The following OGFRL1 variants were observed in gnomAD, a reference collection of about 807,000 sequenced individuals.
OGFRL1 encodes opioid growth factor receptor like 1.
Under a neutral mutation model 32.4 loss-of-function variants are expected in OGFRL1, and 26 were observed. That is an observed-to-expected ratio of 0.80 (90% CI 0.59 to 1.11). The LOEUF (loss-of-function observed/expected upper bound fraction) is 1.11. OGFRL1 is among the 50% of genes most tolerant of loss of function. The probability of loss-of-function intolerance (pLI) is 0.00; values close to 1 mark genes in which losing one functional copy is unlikely to be tolerated. For missense variants in OGFRL1, 521 were observed against 546.4 expected, an observed-to-expected ratio of 0.95 and a Z score of 0.46; for synonymous variants, 211 against 201.2, an observed-to-expected ratio of 1.05 and a Z score of -0.41.
chr6:71,303,135 G>C lies in OGFRL1; in HGVS notation c.*1086G>C, dbSNP rs1191796015. On this transcript the variant is annotated 3_prime_UTR_variant, in exon 7 of 7. Transcript: ENST00000370435. The stretch of plus-strand genomic sequence containing the variant: ...CTAAATATGTGCAGTCCTTTTATTT[G>C]TCATTATTCTCTAAACAATACAGTA... 2 of 152,138 alleles carry C rather than the reference G, an allele frequency of 1.3e-5. No individual in the cohort carries two copies. Among genetic ancestry groups the C allele is most frequent in the African/African-American group, 4.8e-5 (2 of 41,428 alleles). The allele number at this position is 152,138 out of a possible 1,614,324, so 9.4% of individuals were successfully genotyped here.
rs1766569013 is a variant in OGFRL1, at chr6:71,306,942, T to C, written c.*4893T>C. On this transcript the variant is annotated 3_prime_UTR_variant, in exon 7 of 7. Transcript: ENST00000370435. ...ATCTGAAACTAATTTGAAAAACTTT[T>C]ATGCTGTAGTCTCATTAGAATCATT... 1 of 152,222 alleles carries C rather than the reference T, an allele frequency of 6.6e-6. No individual in the cohort carries two copies. Among genetic ancestry groups the C allele is most frequent in the Non-Finnish European group, 1.5e-5 (1 of 68,026 alleles). 9.4% of individuals were successfully genotyped at this position (152,222 alleles called of 1,614,324 possible). A position where few individuals can be genotyped will look rare whatever the true frequency, so the allele number is the denominator to read the frequency against.
intron 6 of OGFRL1, among the ~76,000 whole-genome samples, chr6:71,299,353 A>G (rs947661710): frequency 6.6e-6 from 1 of 152,170 alleles, no homozygotes; most frequent in Non-Finnish European, 1.5e-5. Flanking sequence ...GACATTTATT[A>G]CAAATCATAC....
chr6:71,300,351 A>T (rs1237316071), intron 6 of OGFRL1, among the ~76,000 whole-genome samples: 1 of 152,202 alleles, frequency 6.6e-6, no homozygotes, highest in African/African-American at 2.4e-5. Flanking sequence ...TACATTATGA[A>T]TTGTGACAAA....
chr6:71,289,109 G>T lies in OGFRL1; in HGVS notation c.173G>T (p.Gly58Val). ...CCCGCGCAGCCCCCGGAGCAAGCCG[G>T]CGGGCGGCCCGGCGCCAGCCCCGCG... ...EQPAQPPEQA[G>V]GRPGASPAPD... The change falls in exon 1 of 7, where the codon GGC becomes GTC. Residue 58 changes from glycine (G) to valine (V), a missense_variant. Transcript: ENST00000370435. 9.0e-7 allele frequency: 1 copy of T among 1,114,366 alleles called. No homozygotes were observed. 69.0% of individuals were successfully genotyped at this position (1,114,366 alleles called of 1,614,324 possible). A position where few individuals can be genotyped will look rare whatever the true frequency, so the allele number is the denominator to read the frequency against.
rs555352389 is a variant in OGFRL1 at position 71,308,015 on chromosome 6, A to G, written c.*5966A>G. On this transcript the variant is annotated 3_prime_UTR_variant, in exon 7 of 7. Coordinates refer to ENST00000370435, the MANE Select transcript of OGFRL1 (RefSeq NM_024576.5). The stretch of plus-strand genomic sequence containing the variant: ...TGTATTTGTGCCAAGGAGATCAGGT[A>G]TTGGTGTGCAAACAGATCCCATTAA... The G allele has an allele frequency of 6.6e-6, 1 of 152,352 alleles. No individual in the cohort carries two copies. The highest frequency in any genetic ancestry group is 1.9e-4 in the East Asian group (1 of 5,182). The allele number at this position is 152,352 out of a possible 1,614,324, so 9.4% of individuals were successfully genotyped here. A position where few individuals can be genotyped will look rare whatever the true frequency, so the allele number is the denominator to read the frequency against.
At chr6:71,296,095 A>G (rs1766199917) in intron 3 of OGFRL1, among the ~76,000 whole-genome samples, 1 of 152,222 alleles carries the variant, frequency 6.6e-6, no homozygotes, top group Non-Finnish European at 1.5e-5. Flanking sequence ...ACATTGTCCA[A>G]CAAAGCCTTG....
chr6:71,293,432 T>C, intron 2 of OGFRL1, 53 bp downstream of exon 2: 1 of 1,591,962 alleles, frequency 6.3e-7, no homozygotes, highest in African/African-American at 1.3e-5. Context: ...CCTTCTGTTT[T>C]TAAATTTTTA....
chr6:71,304,858 G>A lies in OGFRL1; in HGVS notation c.*2809G>A, dbSNP rs1324159424. Reference sequence around the variant, plus strand: ...TAAATAACTTAGATAATCATTCAGTGGAGAACAAGTAAAAGGATATCATTC... The same window carrying A: ...TAAATAACTTAGATAATCATTCAGTAGAGAACAAGTAAAAGGATATCATTC... On this transcript the variant is annotated 3_prime_UTR_variant, in exon 7 of 7. Transcript: ENST00000370435. 2 of 151,964 alleles carry A rather than the reference G, an allele frequency of 1.3e-5. No homozygotes were observed. The highest frequency in any genetic ancestry group is 4.8e-5 in the African/African-American group (2 of 41,390). 9.4% of individuals were successfully genotyped at this position (151,964 alleles called of 1,614,324 possible).
Position 71,288,973 on chromosome 6 carries a change from C to A in OGFRL1, c.37C>A (p.Pro13Thr). ...NLLGGVSFRE[P>T]TTVEDCDSTW... is the part of the protein sequence containing the mutation. The stretch of plus-strand genomic sequence containing the variant: ...GCTCGGCGGGGTCAGCTTCCGCGAG[C>A]CCACCACCGTGGAGGACTGCGACTC... Residue 13 changes from proline (P) to threonine (T), a missense_variant, in exon 1 of 7, where the codon CCC (proline) becomes ACC (threonine). Transcript: ENST00000370435. 1 of 1,392,364 alleles carries A rather than the reference C, an allele frequency of 7.2e-7. No individual in the cohort carries two copies. Among genetic ancestry groups the A allele is most frequent in the South Asian group, 1.3e-5 (1 of 78,644 alleles). The allele number at this position is 1,392,364 out of a possible 1,614,324, so 86.3% of individuals were successfully genotyped here.
rs373049417 is a variant in OGFRL1 at position 71,302,757 on chromosome 6, A to G, written c.*708A>G. 19 of 152,352 alleles carry G rather than the reference A, an allele frequency of 1.2e-4. No homozygotes were observed. The highest frequency in any genetic ancestry group is 4.6e-4 in the African/African-American group (19 of 41,548). 9.4% of individuals were successfully genotyped at this position (152,352 alleles called of 1,614,324 possible). Reference sequence around the variant, plus strand: ...AGTGCTGGGATTACAGGCATGAGCCACCATGTCTGGCTGATTAATTTTTTT... The same window carrying G: ...AGTGCTGGGATTACAGGCATGAGCCGCCATGTCTGGCTGATTAATTTTTTT... On this transcript the variant is annotated 3_prime_UTR_variant, in exon 7 of 7. Transcript: ENST00000370435.
At chr6:71,289,679 A>G (rs913553224) in intron 1 of OGFRL1, 7 of 984,724 alleles carry the variant, frequency 7.1e-6, no homozygotes, top group Middle Eastern at 5.2e-4. Context: ...TCTGAAGTTC[A>G]TACGTCACTG....
At chr6:71,293,197 G>T (rs951413072) in intron 1 of OGFRL1, 96 bp from the exon 2 acceptor site, 5 of 938,662 alleles carry the variant, frequency 5.3e-6, no homozygotes, top group Non-Finnish European at 8.4e-6. Context: ...CAATTTTCAG[G>T]CTTTCTTTAT....
Position 71,289,104 on chromosome 6 carries a change from A to G in OGFRL1, c.168A>G (p.Gln56=). The G allele has an allele frequency of 2.7e-6, 3 of 1,115,652 alleles. No individual in the cohort carries two copies. The highest frequency in any genetic ancestry group is 3.3e-6 in the Non-Finnish European group (3 of 915,066). The allele number at this position is 1,115,652 out of a possible 1,614,324, so 69.1% of individuals were successfully genotyped here. ...ESEQPAQPPE[Q]AGGRPGASPA... is the part of the protein sequence containing the mutation. Reference sequence around the variant, plus strand: ...AGCAGCCCGCGCAGCCCCCGGAGCAAGCCGGCGGGCGGCCCGGCGCCAGCC... The same window carrying G: ...AGCAGCCCGCGCAGCCCCCGGAGCAGGCCGGCGGGCGGCCCGGCGCCAGCC... The change falls in exon 1 of 7, where the codon CAA becomes CAG. Residue 56 remains glutamine, a synonymous_variant. Coordinates refer to ENST00000370435, the MANE Select transcript of OGFRL1 (RefSeq NM_024576.5).
chr6:71,297,351 C>A (rs1459570697), intron 6 of OGFRL1, among the ~76,000 whole-genome samples: 1 of 152,100 alleles, frequency 6.6e-6, no homozygotes, highest in Non-Finnish European at 1.5e-5. Context: ...AACAAAAACT[C>A]ATTTTTGGGT....
chr6:71,300,536 G>C (rs1276166959), intron 6 of OGFRL1, among the ~76,000 whole-genome samples: 1 of 151,864 alleles, frequency 6.6e-6, no homozygotes, highest in Non-Finnish European at 1.5e-5. Context: ...AAGAAAATTA[G>C]GTTAAGTTGG....
intron 6 of OGFRL1, among the ~76,000 whole-genome samples, chr6:71,300,886 G>T (rs546886782): frequency 3.9e-5 from 6 of 152,174 alleles, no homozygotes; most frequent in Non-Finnish European, 8.8e-5. Flanking sequence ...AAGTAGAGTA[G>T]TTTTTGCCGC....
intron 1 of OGFRL1, chr6:71,289,892 A>AC: frequency 1.1e-6 from 1 of 894,194 alleles, no homozygotes; most frequent in Non-Finnish European, 1.3e-6. Flanking sequence ...TATGTAGCCG[A>AC]CCCCCTGAAG....
In OGFRL1 at chr6:71,289,185, G is replaced by T. The variant is rs1351557948; in HGVS notation, c.234+15G>T. 2.8e-6 allele frequency: 3 copies of T among 1,068,454 alleles called. No individual in the cohort carries two copies. The highest frequency in any genetic ancestry group is 1.7e-5 in the African/African-American group (1 of 58,672). The allele number at this position is 1,068,454 out of a possible 1,614,324, so 66.2% of individuals were successfully genotyped here. A position where few individuals can be genotyped will look rare whatever the true frequency, so the allele number is the denominator to read the frequency against. ...GCGCCGAGCAGGTACGCGGCCCAGC[G>T]GTGGCCTCGGGTCGGGCTGGGGCGC... On this transcript the variant is annotated intron_variant, in intron 1 of 6. Transcript: ENST00000370435.
chr6:71,301,721 A>C lies in OGFRL1; in HGVS notation c.1028A>C (p.His343Pro), dbSNP rs538989294. Residue 343 changes from histidine (H) to proline (P), a missense_variant, in exon 7 of 7, where the codon CAC becomes CCC. By Grantham distance (77) the His-to-Pro change is moderately conservative. Coordinates refer to ENST00000370435, the MANE Select transcript of OGFRL1 (RefSeq NM_024576.5). Reference protein sequence around the residue: ...ASSHNSQTSMHKKAKDSKNSS... With the variant: ...ASSHNSQTSMPKKAKDSKNSS... ...AGTCATAACAGTCAAACTTCTATGC[A>C]CAAAAAAGCCAAGGACTCCAAAAAT... 6.2e-7 allele frequency: 1 copy of C among 1,613,966 alleles called. No homozygotes were observed. Among genetic ancestry groups the C allele is most frequent in the Admixed American group, 1.7e-5 (1 of 60,004 alleles).
Sources: gnomAD v4.1 joint callset for allele counts (sites outside exome capture counted in the v4.1 genomes callset) on GRCh38, gnomAD v4.1.1 for gene constraint, MANE v1.5 for transcripts, NCBI Gene and HGNC (gene_info 2026-07-23, HGNC 2026-07-21) for gene names.